Variants in ADAMTSL1 observed in about 807,000 individuals in gnomAD.
The protein encoded by ADAMTSL1 is ADAMTS-like protein 1.
In ADAMTSL1, 126 loss-of-function variants were observed where a neutral mutation model predicts 201.8. That is an observed-to-expected ratio of 0.62 (90% CI 0.54 to 0.72). The LOEUF (loss-of-function observed/expected upper bound fraction) is 0.72. Among genes scored for constraint, ADAMTSL1 ranks in the 30% least tolerant of loss-of-function variants. The pLI is 0.00. For missense variants in ADAMTSL1, 2,679 were observed against 2,277.8 expected, an observed-to-expected ratio of 1.18 and a Z score of -3.59; for synonymous variants, 1,121 against 903.4, an observed-to-expected ratio of 1.24 and a Z score of -4.32.
chr9:18,675,896 T>A lies in ADAMTSL1; in HGVS notation c.1125T>A (p.His375Gln), dbSNP rs1830104564. ...YKQIMPYDLYHPLPRWEATPW... is the reference protein window; with the variant it reads ...YKQIMPYDLYQPLPRWEATPW... ...AGATCATGCCTTATGACCTCTACCA[T>A]CCCCTTCCTCGGTACGTAAATCAAT... is the stretch of plus-strand genomic sequence containing the variant. Residue 375 changes from histidine to glutamine, a missense_variant, in exon 10 of 29, where the codon CAT becomes CAA. His to Gln is a conservative substitution (Grantham distance 24). Transcript: ENST00000380548. The A allele has an allele frequency of 6.2e-7, 1 of 1,612,934 alleles. No individual in the cohort carries two copies. Among genetic ancestry groups the A allele is most frequent in the East Asian group, 2.2e-5 (1 of 44,844 alleles).
chr9:18,731,222 A>C (rs1429647878), intron 15 of ADAMTSL1, among the ~76,000 whole-genome samples: 1 of 152,246 alleles, frequency 6.6e-6, no homozygotes, highest in Non-Finnish European at 1.5e-5. Flanking sequence ...AAGAAATATC[A>C]TAGGGTTTTA....
At chr9:18,796,025 T>C (rs1822398590) in intron 20 of ADAMTSL1, among the ~76,000 whole-genome samples, 1 of 152,202 alleles carries the variant, frequency 6.6e-6, no homozygotes, top group Non-Finnish European at 1.5e-5. Flanking sequence ...ATCCTCTTGC[T>C]CTAATGCACT....
intron 1 of ADAMTSL1, among the ~76,000 whole-genome samples, chr9:18,083,207 G>A (rs186076158): frequency 6.6e-6 from 1 of 152,294 alleles, no homozygotes; most frequent in Admixed American, 6.5e-5. Flanking sequence ...TAGGGCCATT[G>A]AAACAGTGAT....
chr9:18,090,842 C>G (rs1003060740), intron 1 of ADAMTSL1, among the ~76,000 whole-genome samples: 1 of 152,124 alleles, frequency 6.6e-6, no homozygotes, highest in Non-Finnish European at 1.5e-5. Flanking sequence ...TCTGCCTTCT[C>G]TCCTTCCTCC....
chr9:18,721,784 C>G, intron 15 of ADAMTSL1, 119 bp downstream of exon 15: 8 of 1,424,816 alleles, frequency 5.6e-6, no homozygotes, highest in Non-Finnish European at 7.5e-6. Flanking sequence ...CAATTAGCAT[C>G]AGTTCAAACT....
intron 2 of ADAMTSL1, among the ~76,000 whole-genome samples, chr9:18,277,733 T>A (rs1832639768): frequency 6.6e-6 from 1 of 152,212 alleles, no homozygotes; most frequent in African/African-American, 2.4e-5. Flanking sequence ...TCAGTCATCC[T>A]ATGTCTTTTC....
At chr9:18,573,555 C>A (rs1271303982) in intron 3 of ADAMTSL1, among the ~76,000 whole-genome samples, 1 of 152,154 alleles carries the variant, frequency 6.6e-6, no homozygotes, top group Admixed American at 6.5e-5. Flanking sequence ...TCCACAAAAA[C>A]TTTTTGAATG....
chr9:18,586,099 C>A (rs1823470924), intron 4 of ADAMTSL1, among the ~76,000 whole-genome samples: 1 of 152,032 alleles, frequency 6.6e-6, no homozygotes, highest in Non-Finnish European at 1.5e-5. Flanking sequence ...AGCAATCAGG[C>A]AAGAGAAAAA....
At chr9:18,687,672 G>T (rs1007557646) in intron 13 of ADAMTSL1, among the ~76,000 whole-genome samples, 3 of 152,166 alleles carry the variant, frequency 2.0e-5, no homozygotes, top group African/African-American at 4.8e-5. Context: ...AGATAACCTT[G>T]TTCGATGTTA....
intron 2 of ADAMTSL1, among the ~76,000 whole-genome samples, chr9:18,444,515 T>A (rs1286928365): frequency 6.6e-6 from 1 of 152,190 alleles, no homozygotes; most frequent in Non-Finnish European, 1.5e-5. Context: ...CACTAGACTC[T>A]ACTATTTTGA....
intron 1 of ADAMTSL1, among the ~76,000 whole-genome samples, chr9:17,928,240 C>A (rs532782495): frequency 2.0e-5 from 3 of 152,234 alleles, no homozygotes; most frequent in South Asian, 4.1e-4. Flanking sequence ...TTCAAGCGAT[C>A]TACCTGCCTC....
chr9:18,737,401 A>G (rs561950619), intron 15 of ADAMTSL1, among the ~76,000 whole-genome samples: 1 of 151,572 alleles, frequency 6.6e-6, no homozygotes, highest in Non-Finnish European at 1.5e-5. Flanking sequence ...GATAATATGG[A>G]TGGATCATAT....
intron 2 of ADAMTSL1, among the ~76,000 whole-genome samples, chr9:18,424,875 A>G (rs986145288): frequency 1.9e-4 from 29 of 152,184 alleles, no homozygotes; most frequent in African/African-American, 6.3e-4. Flanking sequence ...AATGTGGTTC[A>G]TCGCAAAAGA....
chr9:18,085,580 CTGTG>C (rs1409664911), intron 1 of ADAMTSL1, among the ~76,000 whole-genome samples: 3 of 144,314 alleles, frequency 2.1e-5, no homozygotes, highest in Non-Finnish European at 4.5e-5. Flanking sequence ...TATATACACA[CTGTG>C]TGTGTGTATA....
At chr9:18,620,626 CAT>C (rs1825979441) in intron 4 of ADAMTSL1, among the ~76,000 whole-genome samples, 2 of 152,196 alleles carry the variant, frequency 1.3e-5, no homozygotes, top group Admixed American at 6.5e-5. Context: ...TAAGCCAGCA[CAT>C]GTTTGGCACT....
chr9:17,943,784 A>G (rs1311155141), intron 1 of ADAMTSL1, among the ~76,000 whole-genome samples: 3 of 152,060 alleles, frequency 2.0e-5, no homozygotes, highest in Non-Finnish European at 4.4e-5. Context: ...GGTAATTTAT[A>G]AAAAAAGAGG....
intron 1 of ADAMTSL1, among the ~76,000 whole-genome samples, chr9:18,092,557 G>A (rs1243303945): frequency 1.3e-5 from 2 of 152,116 alleles, no homozygotes; most frequent in Non-Finnish European, 2.9e-5. Flanking sequence ...TGACTCCAGT[G>A]ATACAGGAAT....
At chr9:18,810,192 G>C (rs1470188102) in intron 20 of ADAMTSL1, among the ~76,000 whole-genome samples, 2 of 152,172 alleles carry the variant, frequency 1.3e-5, no homozygotes, top group Non-Finnish European at 2.9e-5. Flanking sequence ...TCACTCATCA[G>C]ATGATACATA....
intron 21 of ADAMTSL1, among the ~76,000 whole-genome samples, chr9:18,825,723 TCCC>T: frequency 6.7e-6 from 1 of 149,790 alleles, no homozygotes; most frequent in African/African-American, 2.5e-5. Context: ...TCACAACCCC[TCCC>T]CATTCATTCC....
Sources: allele counts gnomAD v4.1 joint callset (sites outside exome capture counted in the v4.1 genomes callset), GRCh38; gene constraint gnomAD v4.1.1; transcripts MANE v1.5; gene names NCBI Gene and HGNC (gene_info 2026-07-23, HGNC 2026-07-21).